The following MARCHF6 variants were observed in gnomAD, a reference collection of about 807,000 sequenced individuals.
MARCHF6 encodes the protein membrane associated ring-CH-type finger 6.
MARCHF6 carries 31 observed loss-of-function variants against 133.7 expected under a neutral mutation model. The ratio of observed to expected loss-of-function variants is 0.23; its 90% CI spans 0.17 to 0.31. The LOEUF (loss-of-function observed/expected upper bound fraction) is 0.31, where lower values mean the gene tolerates loss of function less well. Ranked by LOEUF, MARCHF6 falls within the 10% of genes least tolerant of loss-of-function variation. The probability of loss-of-function intolerance (pLI) is 1.00; values close to 1 mark genes in which losing one functional copy is unlikely to be tolerated. For missense variants in MARCHF6, 723 were observed against 1,121.6 expected, an observed-to-expected ratio of 0.64 and a Z score of 5.08; for synonymous variants, 395 against 402.5, an observed-to-expected ratio of 0.98 and a Z score of 0.22.
chr5:10,429,907 A>C lies in MARCHF6; in HGVS notation c.2521A>C (p.Met841Leu), dbSNP rs747704020. ...VVPLLGVTAE[M>L]QNLVHRRIYP... ...TGGTTTTCTAGGTGTTACTGCGGAA[A>C]TGCAAAACTTAGTCCATCGGCGGAT... Residue 841 changes from methionine (M) to leucine (L), a missense_variant, in exon 25 of 26, where the codon ATG becomes CTG. Met to Leu is a conservative substitution (Grantham distance 15, BLOSUM62 2). Coordinates refer to ENST00000274140, the MANE Select transcript of MARCHF6 (RefSeq NM_005885.4). The C allele has an allele frequency of 1.2e-6, 2 of 1,612,374 alleles. No individual in the cohort carries two copies. Among genetic ancestry groups the C allele is most frequent in the Non-Finnish European group, 8.5e-7 (1 of 1,178,576 alleles).
At chr5:10,356,593 G>A (rs1017004544) in intron 1 of MARCHF6, among the ~76,000 whole-genome samples, 5 of 151,646 alleles carry the variant, frequency 3.3e-5, no homozygotes, top group Admixed American at 6.6e-5. Flanking sequence ...ATGGGGTTTC[G>A]CCATGTTGGC....
intron 9 of MARCHF6, among the ~76,000 whole-genome samples, 190 bp from the exon 10 acceptor site, chr5:10,397,103 G>A (rs936125209): frequency 2.0e-5 from 3 of 152,174 alleles, no homozygotes; most frequent in African/African-American, 7.2e-5. Context: ...ATTAGGCTTA[G>A]TTGTATGAGC....
intron 16 of MARCHF6, 84 bp downstream of exon 16, chr5:10,405,761 C>G (rs1738847810): frequency 7.9e-7 from 1 of 1,269,644 alleles, no homozygotes; most frequent in Non-Finnish European, 1.1e-6. Context: ...TTCCAGTTCT[C>G]AAGCAGGCTG....
intron 4 of MARCHF6, among the ~76,000 whole-genome samples, chr5:10,383,315 A>G (rs186212251): frequency 9.2e-5 from 14 of 152,328 alleles, no homozygotes; most frequent in Admixed American, 7.8e-4. Context: ...TCCACAAGGT[A>G]AAAGAGATAA....
intron 10 of MARCHF6, among the ~76,000 whole-genome samples, chr5:10,399,030 A>C (rs1738356376): frequency 6.6e-6 from 1 of 152,214 alleles, no homozygotes; most frequent in African/African-American, 2.4e-5. Context: ...CTAGAAGGTG[A>C]CAATCCTGAG....
At chr5:10,393,953 G>A (rs919406949) in intron 7 of MARCHF6, 129 bp from the exon 8 acceptor site, 1 of 419,542 alleles carries the variant, frequency 2.4e-6, no homozygotes. Context: ...ACTCAGTATG[G>A]AAATGTGGCT....
chr5:10,377,760 T>C (rs900354994), intron 1 of MARCHF6, 38 bp from the exon 2 acceptor site: 24 of 1,446,086 alleles, frequency 1.7e-5, no homozygotes, highest in Non-Finnish European at 2.2e-5. Context: ...AAAAAAGTTA[T>C]AACCAAAGGA....
chr5:10,402,724 TG>T (rs1738619689), intron 14 of MARCHF6, 117 bp downstream of exon 14: 1 of 937,460 alleles, frequency 1.1e-6, no homozygotes, highest in South Asian at 1.5e-5. Context: ...CTTATTCTTT[TG>T]GCATGTGTAT....
At chr5:10,386,822 T>A (rs1159511921) in intron 4 of MARCHF6, 172 bp from the exon 5 acceptor site, 3 of 526,368 alleles carry the variant, frequency 5.7e-6, no homozygotes, top group Non-Finnish European at 1.1e-5. Flanking sequence ...TCACTATATT[T>A]GTGCTTGACT....
rs1446196427 is a variant in MARCHF6, at chr5:10,390,626, C to T, written c.576+126C>T. The T allele has an allele frequency of 4.3e-6, 4 of 937,414 alleles. No individual in the cohort carries two copies. In the African/African-American group the frequency reaches 5.0e-5, roughly 12 times the overall value. The allele number at this position is 937,414 out of a possible 1,614,324, so 58.1% of individuals were successfully genotyped here. ...ATTCTTTTGTTATTACAAAGGAGGG[C>T]AGCGGAAAGGTTTGGGTGAAGATGA... On this transcript the variant is annotated intron_variant, in intron 6 of 25. Coordinates refer to ENST00000274140, the MANE Select transcript of MARCHF6 (RefSeq NM_005885.4).
At chr5:10,373,729 C>G (rs1019922839) in intron 1 of MARCHF6, among the ~76,000 whole-genome samples, 5 of 152,170 alleles carry the variant, frequency 3.3e-5, no homozygotes, top group African/African-American at 1.2e-4. Flanking sequence ...ACTTGCACAG[C>G]CATCTGAATG....
intron 8 of MARCHF6, 62 bp from the exon 9 acceptor site, chr5:10,394,691 A>G: frequency 7.5e-7 from 1 of 1,329,030 alleles, no homozygotes; most frequent in Non-Finnish European, 1.1e-6. Flanking sequence ...GGCTTTTCAT[A>G]AATTAGAATA....
chr5:10,432,423 C>G (rs565105346), intron 25 of MARCHF6, among the ~76,000 whole-genome samples: 3 of 152,366 alleles, frequency 2.0e-5, no homozygotes, highest in South Asian at 2.1e-4. Flanking sequence ...ACTGGACATT[C>G]TCCCTGATCT....
intron 4 of MARCHF6, among the ~76,000 whole-genome samples, chr5:10,383,670 T>C (rs1737293059): frequency 6.6e-6 from 1 of 152,216 alleles, no homozygotes; most frequent in Non-Finnish European, 1.5e-5. Flanking sequence ...GTTTACTACC[T>C]TAAACCTTTT....
chr5:10,440,045 G>A lies in MARCHF6; in HGVS notation c.*6361G>A, dbSNP rs1404740461. On this transcript the variant is annotated 3_prime_UTR_variant, in exon 26 of 26. Transcript: ENST00000274140. ...TCTCCCTGCTGTATTTTGTACTCCC[G>A]GCTCTCTTTTGTACTTTTAAACATA... 1 of 152,022 alleles carries A rather than the reference G, an allele frequency of 6.6e-6. No individual in the cohort carries two copies. Among genetic ancestry groups the A allele is most frequent in the Non-Finnish European group, 1.5e-5 (1 of 68,004 alleles). The allele number at this position is 152,022 out of a possible 1,614,324, so 9.4% of individuals were successfully genotyped here.
At chr5:10,385,418 AAGGC>A (rs1221098140) in intron 4 of MARCHF6, among the ~76,000 whole-genome samples, 1 of 152,178 alleles carries the variant, frequency 6.6e-6, no homozygotes, top group Non-Finnish European at 1.5e-5. Flanking sequence ...ATTTCAAACA[AAGGC>A]AGGAAAGAAA....
chr5:10,395,466 C>A (rs1738134946), intron 9 of MARCHF6, among the ~76,000 whole-genome samples: 2 of 152,160 alleles, frequency 1.3e-5, no homozygotes, highest in South Asian at 4.2e-4. Flanking sequence ...TTTGCTGAAC[C>A]CCACCTGTCT....
intron 21 of MARCHF6, among the ~76,000 whole-genome samples, chr5:10,416,303 ATCAAC>A (rs1342143091): frequency 6.6e-6 from 1 of 152,200 alleles, no homozygotes; most frequent in African/African-American, 2.4e-5. Flanking sequence ...CATTTGTATA[ATCAAC>A]TCTTAATTTT....
chr5:10,417,858 T>C (rs1234807778), intron 22 of MARCHF6, among the ~76,000 whole-genome samples: 1 of 152,148 alleles, frequency 6.6e-6, no homozygotes, highest in Non-Finnish European at 1.5e-5. Flanking sequence ...TGCTCTTTAA[T>C]CTTTCAGAAT....
Sources: allele counts gnomAD v4.1 joint callset (sites outside exome capture counted in the v4.1 genomes callset), GRCh38; gene constraint gnomAD v4.1.1; transcripts MANE v1.5; gene names NCBI Gene and HGNC (gene_info 2026-07-23, HGNC 2026-07-21).